Variants in ZNF227 observed in about 807,000 individuals in gnomAD.
ZNF227 encodes zinc finger protein 227.
ZNF227 carries 12 observed loss-of-function variants against 13.2 expected under a neutral mutation model. That is an observed-to-expected ratio of 0.91 (90% CI 0.58 to 1.47). ZNF227 has a LOEUF of 1.47. Among genes scored for constraint, ZNF227 ranks in the 40% most tolerant of loss-of-function variants. ZNF227 has a pLI of 0.00. For synonymous variants in ZNF227, 338 were observed against 326.0 expected, an observed-to-expected ratio of 1.04 and a Z score of -0.40; for missense variants, 885 against 967.5, an observed-to-expected ratio of 0.91 and a Z score of 1.13.
Position 44,217,512 on chromosome 19 carries a change from C to A in ZNF227, c.-2-279C>A, listed in dbSNP as rs561592868. 737 of 630,662 alleles carry A rather than the reference C, an allele frequency of 1.2e-3. 6 individuals are homozygous for A. Among genetic ancestry groups the A allele is most frequent in the Admixed American group, 5.4e-4 (26 of 47,818 alleles). 39.1% of individuals were successfully genotyped at this position (630,662 alleles called of 1,614,324 possible). ...CTAGGAATTAAACCCAGATACTTGA[C>A]TTGAGAGCCCTCATATGTTGTTACA... On this transcript the variant is annotated intron_variant, in intron 2 of 5. Transcript: ENST00000313040.
chr19:44,222,041 T>C (rs1972575464), intron 3 of ZNF227, among the ~76,000 whole-genome samples: 1 of 152,220 alleles, frequency 6.6e-6, no homozygotes, highest in South Asian at 2.1e-4. Context: ...ATTGCTTGTT[T>C]TTCTCAGGTT....
At chr19:44,210,882 ATTAT>A (rs1971330557), upstream of ZNF227, among the ~76,000 whole-genome samples, 2 of 152,192 alleles carry the variant, frequency 1.3e-5, no homozygotes, top group Admixed American at 1.3e-4. Flanking sequence ...ACTAGAGGAC[ATTAT>A]TTGTTTTAAA....
chr19:44,225,599 C>T (rs993050721), intron 3 of ZNF227, among the ~76,000 whole-genome samples: 1 of 152,176 alleles, frequency 6.6e-6, no homozygotes, highest in African/African-American at 2.4e-5. Flanking sequence ...AGTTCTCGAG[C>T]CTTGGCTTTC....
At chr19:44,224,747 G>C (rs575326946) in intron 3 of ZNF227, among the ~76,000 whole-genome samples, 4 of 152,060 alleles carry the variant, frequency 2.6e-5, no homozygotes, top group Non-Finnish European at 5.9e-5. Flanking sequence ...TCTTTTAATT[G>C]GTGCATTTAG....
intron 2 of ZNF227, among the ~76,000 whole-genome samples, chr19:44,216,312 TATTC>T (rs944720755): frequency 1.3e-5 from 2 of 152,028 alleles, no homozygotes; most frequent in Non-Finnish European, 2.9e-5. Context: ...TTGGAGGTAA[TATTC>T]ATTTGTTTTA....
In ZNF227 at chr19:44,236,231, GAA is replaced by G. The variant is rs749365333; in HGVS notation, c.1805_1806del (p.Lys602ThrfsTer3). On this transcript the variant is annotated frameshift_variant, in exon 6 of 6. Transcript: ENST00000313040. LOFTEE classifies it low-confidence loss of function (END_TRUNC). Reference protein sequence around the residue: ...LHAHQRVHSGEKPYKCEQCDK... With the variant: ...LHAHQRVHSGXKPYKCEQCDK... Reference sequence around the variant, plus strand: ...TGCACATCAAAGAGTTCACTCAGGAGAAAAACCCTATAAATGTGAGCAGTGTG... The same window carrying G: ...TGCACATCAAAGAGTTCACTCAGGAGAAACCCTATAAATGTGAGCAGTGTG... The G allele has an allele frequency of 1.2e-6, 2 of 1,614,104 alleles. No homozygotes were observed. The highest frequency in any genetic ancestry group is 4.5e-5 in the East Asian group (2 of 44,874).
intron 5 of ZNF227, among the ~76,000 whole-genome samples, chr19:44,231,536 T>G (rs1973844918): frequency 6.6e-6 from 1 of 152,174 alleles, no homozygotes; most frequent in Non-Finnish European, 1.5e-5. Flanking sequence ...TTTCACCATG[T>G]TGGCCAGGCT....
Position 44,234,820 on chromosome 19 carries a change from T to A in ZNF227, c.390T>A (p.Cys130Ter). The stretch of plus-strand genomic sequence containing the variant: ...AGGTTGCAAGTGAATTAACCAGGTG[T>A]CTTCAGGGGAAGAGTTCCCAGTTAT... ...WKQVASELTR[C>*]LQGKSSQLLQ... Residue 130 changes from cysteine (C) to a stop codon, truncating the protein, a stop_gained, in exon 6 of 6, where the codon TGT becomes TGA. Transcript: ENST00000313040. LOFTEE classifies it low-confidence loss of function (END_TRUNC). 1 of 1,614,124 alleles carries A rather than the reference T, an allele frequency of 6.2e-7. No individual in the cohort carries two copies. Among genetic ancestry groups the A allele is most frequent in the Non-Finnish European group, 8.5e-7 (1 of 1,180,014 alleles).
At position 44,235,031 on chromosome 19, in the gene ZNF227, C is replaced by T. The variant is rs1312119937; in HGVS notation, c.601C>T (p.Leu201=). Residue 201 remains leucine (L), a synonymous_variant, in exon 6 of 6, where the codon CTG becomes TTG. Transcript: ENST00000313040. ...RGKQIDVKNN[L]QIHEDFMKKS... ...TAAGCAAATTGATGTGAAAAATAAC[C>T]TGCAAATACATGAAGACTTCATGAA... is the stretch of plus-strand genomic sequence containing the variant. 3 of 1,613,920 alleles carry T rather than the reference C, an allele frequency of 1.9e-6. No individual in the cohort carries two copies. Among genetic ancestry groups the T allele is most frequent in the Non-Finnish European group, 2.5e-6 (3 of 1,180,012 alleles).
At chr19:44,218,892 T>A (rs552868812) in intron 3 of ZNF227, among the ~76,000 whole-genome samples, 1 of 152,310 alleles carries the variant, frequency 6.6e-6, no homozygotes, top group South Asian at 2.1e-4. Flanking sequence ...TGATGTTACC[T>A]TTTTATTCTT....
In ZNF227 at chr19:44,234,730, A is replaced by C. The variant is rs1303827632; in HGVS notation, c.300A>C (p.Thr100=). Reference sequence around the variant, plus strand: ...GCAAGCATCAAAATAAGATGGAAACACTCCAAAAATTTGCATTAAAATACC... The same window carrying C: ...GCAAGCATCAAAATAAGATGGAAACCCTCCAAAAATTTGCATTAAAATACC... ...RSSKHQNKME[T]LQKFALKYLS... is the part of the protein sequence containing the mutation. The change falls in exon 6 of 6, where the codon ACA becomes ACC. Residue 100 remains threonine, a synonymous_variant. Transcript: ENST00000313040. The C allele has an allele frequency of 6.3e-7, 1 of 1,597,952 alleles. No individual in the cohort carries two copies. The highest frequency in any genetic ancestry group is 8.5e-7 in the Non-Finnish European group (1 of 1,175,776).
At position 44,236,658 on chromosome 19, in the gene ZNF227, T is replaced by G; in HGVS notation, c.2228T>G (p.Leu743Arg). ...VHLGVHTREKLFKCEECGKGF... is the reference protein window; with the variant it reads ...VHLGVHTREKRFKCEECGKGF... The stretch of plus-strand genomic sequence containing the variant: ...CTGGGTGTTCACACCAGGGAAAAAC[T>G]CTTTAAATGTGAAGAGTGTGGTAAA... The change falls in exon 6 of 6, where the codon CTC becomes CGC. Residue 743 changes from leucine to arginine, a missense_variant. Transcript: ENST00000313040. The G allele has an allele frequency of 6.2e-7, 1 of 1,609,438 alleles. No individual in the cohort carries two copies. Among genetic ancestry groups the G allele is most frequent in the Non-Finnish European group, 8.5e-7 (1 of 1,178,806 alleles).
intron 3 of ZNF227, among the ~76,000 whole-genome samples, chr19:44,220,109 C>G (rs955840100): frequency 6.6e-6 from 1 of 152,120 alleles, no homozygotes; most frequent in African/African-American, 2.4e-5. Context: ...AGGACATGAA[C>G]TCATCCTTTT....
intron 3 of ZNF227, chr19:44,227,194 A>T (rs925547595): frequency 1.3e-5 from 2 of 152,198 alleles, no homozygotes; most frequent in Non-Finnish European, 2.9e-5. Flanking sequence ...CTTGACATAT[A>T]TTCATTCATC....
At chr19:44,230,174 C>G (rs1973633046) in intron 5 of ZNF227, among the ~76,000 whole-genome samples, 1 of 152,030 alleles carries the variant, frequency 6.6e-6, no homozygotes, top group African/African-American at 2.4e-5. Context: ...TATCATGATA[C>G]CTGGCTAATT....
At chr19:44,228,692 C>T in intron 4 of ZNF227, 120 bp downstream of exon 4, 2 of 1,235,718 alleles carry the variant, frequency 1.6e-6, no homozygotes, top group East Asian at 2.8e-5. Context: ...AAAAGGTTTT[C>T]TAATCCCTGG....
intron 3 of ZNF227, among the ~76,000 whole-genome samples, chr19:44,220,966 T>C (rs1972437669): frequency 6.6e-6 from 1 of 152,116 alleles, no homozygotes; most frequent in Non-Finnish European, 1.5e-5. Context: ...TTCATCCATG[T>C]CCCTACAAAG....
chr19:44,236,964 A>C lies in ZNF227; in HGVS notation c.*134A>C. 1.5e-6 allele frequency: 1 copy of C among 689,460 alleles called. No homozygotes were observed. Among genetic ancestry groups the C allele is most frequent in the East Asian group, 2.7e-5 (1 of 36,400 alleles). The allele number at this position is 689,460 out of a possible 1,614,324, so 42.7% of individuals were successfully genotyped here. A position where few individuals can be genotyped will look rare whatever the true frequency, so the allele number is the denominator to read the frequency against. ...GTTCACACTTGGAATCTTTCTAACA[A>C]ATCCATCAAGATGATAACACAGAAC... On this transcript the variant is annotated 3_prime_UTR_variant, in exon 6 of 6. Transcript: ENST00000313040.
At chr19:44,227,530 G>T (rs1035923412) in intron 3 of ZNF227, among the ~76,000 whole-genome samples, 1 of 151,924 alleles carries the variant, frequency 6.6e-6, no homozygotes. Flanking sequence ...TTACAGGTGT[G>T]AGCCACTGTG....
Sources: allele counts gnomAD v4.1 joint callset (sites outside exome capture counted in the v4.1 genomes callset), GRCh38; gene constraint gnomAD v4.1.1; transcripts MANE v1.5; gene names NCBI Gene and HGNC (gene_info 2026-07-23, HGNC 2026-07-21).